The following PARD3 variants were observed in gnomAD, a reference collection of about 807,000 sequenced individuals.
PARD3 encodes par-3 family cell polarity regulator, also known as partitioning defective 3 homolog.
A neutral mutation model predicts 155.4 loss-of-function variants in PARD3; 75 were observed. The ratio of observed to expected loss-of-function variants is 0.48; its 90% confidence interval spans 0.40 to 0.58. PARD3 has a LOEUF of 0.58. PARD3 is among the 20% of genes least tolerant of loss of function. PARD3 has a pLI of 0.00. For synonymous variants in PARD3, 576 were observed against 610.5 expected (o/e 0.94, Z 0.83); for missense variants, 1,642 against 1,721.7 (o/e 0.95, Z 0.82).
chr10:34,615,067 G>A (rs2091162818), intron 2 of PARD3, among the ~76,000 whole-genome samples: 2 of 151,884 alleles, frequency 1.3e-5, no homozygotes, highest in African/African-American at 4.8e-5. Flanking sequence ...TGTAGTCCCA[G>A]CTACTTGGGA....
chr10:34,226,363 A>G (rs1952600572), intron 22 of PARD3, among the ~76,000 whole-genome samples: 1 of 152,198 alleles, frequency 6.6e-6, no homozygotes, highest in Non-Finnish European at 1.5e-5. Context: ...CAGCCTGACC[A>G]ACATGGTGAA....
intron 22 of PARD3, among the ~76,000 whole-genome samples, chr10:34,168,501 G>A (rs1401996484): frequency 2.0e-5 from 3 of 152,134 alleles, no homozygotes; most frequent in African/African-American, 7.2e-5. Context: ...GCCACACATT[G>A]CTATGTGGTT....
intron 2 of PARD3, among the ~76,000 whole-genome samples, chr10:34,548,902 G>C (rs1230062046): frequency 1.3e-5 from 2 of 152,164 alleles, no homozygotes; most frequent in Admixed American, 1.3e-4. Context: ...CAACTACTTG[G>C]ACAGGAATAA....
chr10:34,270,833 C>T (rs1390733836), intron 21 of PARD3, among the ~76,000 whole-genome samples: 7 of 152,130 alleles, frequency 4.6e-5, no homozygotes, highest in Non-Finnish European at 8.8e-5. Flanking sequence ...AACTTGCCTA[C>T]ATTACAACTA....
chr10:34,801,074 G>A (rs769429448), intron 1 of PARD3, among the ~76,000 whole-genome samples: 1 of 152,178 alleles, frequency 6.6e-6, no homozygotes, highest in Non-Finnish European at 1.5e-5. Flanking sequence ...TGAGTATTCT[G>A]GAAAGTTTTT....
At chr10:34,218,569 G>T (rs544159792) in intron 22 of PARD3, among the ~76,000 whole-genome samples, 1 of 152,186 alleles carries the variant, frequency 6.6e-6, no homozygotes, top group Admixed American at 6.5e-5. Flanking sequence ...AAACTGGGAA[G>T]GGCGGGAAAT....
At chr10:34,793,044 G>A (rs1841855091) in intron 1 of PARD3, among the ~76,000 whole-genome samples, 1 of 152,220 alleles carries the variant, frequency 6.6e-6, no homozygotes, top group African/African-American at 2.4e-5. Flanking sequence ...GCTGCAGCAG[G>A]GACTGCAGGT....
At chr10:34,233,017 ATT>A (rs3039283) in intron 22 of PARD3, among the ~76,000 whole-genome samples, 3,069 of 95,960 alleles carry the variant, frequency 0.032, 63 homozygotes, top group African/African-American at 0.12. Flanking sequence ...TCAAATGTTA[ATT>A]TTTTTTTTTT....
chr10:34,555,798 T>G (rs2084934600), intron 2 of PARD3, among the ~76,000 whole-genome samples: 1 of 152,108 alleles, frequency 6.6e-6, no homozygotes, highest in African/African-American at 2.4e-5. Context: ...GAGTGAGCCC[T>G]GGGGAGGCAG....
At chr10:34,723,285 C>T (rs1280361777) in intron 1 of PARD3, among the ~76,000 whole-genome samples, 1 of 152,158 alleles carries the variant, frequency 6.6e-6, no homozygotes, top group African/African-American at 2.4e-5. Flanking sequence ...CAGAGCGAGG[C>T]TCTGTCTGGG....
At chr10:34,594,112 C>T (rs1046756997) in intron 2 of PARD3, among the ~76,000 whole-genome samples, 3 of 152,128 alleles carry the variant, frequency 2.0e-5, no homozygotes, top group African/African-American at 4.8e-5. Context: ...TCTTTTTGCA[C>T]CTCAGAGAAA....
At chr10:34,504,894 T>G (rs1224888596) in intron 3 of PARD3, among the ~76,000 whole-genome samples, 1 of 152,212 alleles carries the variant, frequency 6.6e-6, no homozygotes, top group East Asian at 1.9e-4. Flanking sequence ...GAGAGATCTA[T>G]ATCAAGTGCA....
rs545803801 is a variant in PARD3, at chr10:34,702,694, A to C, written c.121-6275T>G. Among the ~76,000 whole-genome samples the C allele has an allele frequency of 4.6e-5, 7 of 152,322 alleles. No individual in the cohort carries two copies. In the South Asian group the frequency reaches 1.2e-3, roughly 27 times the overall value. ...TATCCCCCCAAGGCTAGAGGTGGGA[A>C]GATCTTTCCCTGGGCCTCTATCCAT... On this transcript the variant is annotated intron_variant, in intron 1 of 24. Coordinates refer to ENST00000374788, the MANE Select transcript of PARD3 (RefSeq NM_001184785.2).
chr10:34,541,406 A>G (rs1429446885), intron 2 of PARD3, among the ~76,000 whole-genome samples: 4 of 152,248 alleles, frequency 2.6e-5, no homozygotes, highest in Admixed American at 6.5e-5. Context: ...GATACAATCT[A>G]TATTCCTGAA....
chr10:34,682,205 T>C (rs981440030), intron 2 of PARD3, among the ~76,000 whole-genome samples: 1 of 152,006 alleles, frequency 6.6e-6, no homozygotes, highest in African/African-American at 2.4e-5. Context: ...GAAGTATCTC[T>C]TGACAATCTT....
intron 4 of PARD3, among the ~76,000 whole-genome samples, chr10:34,451,773 G>T (rs2077071055): frequency 7.1e-6 from 1 of 141,318 alleles, no homozygotes; most frequent in East Asian, 2.1e-4. Flanking sequence ...TTAGCAGCAA[G>T]TTTTTTTTTT....
At chr10:34,240,960 C>T (rs959475193) in intron 22 of PARD3, among the ~76,000 whole-genome samples, 2 of 152,182 alleles carry the variant, frequency 1.3e-5, no homozygotes, top group Non-Finnish European at 2.9e-5. Context: ...ACTGAGCAGC[C>T]ACCGTCTGCC....
At chr10:34,157,343 G>T (rs1949057581) in intron 22 of PARD3, among the ~76,000 whole-genome samples, 1 of 152,156 alleles carries the variant, frequency 6.6e-6, no homozygotes, top group Admixed American at 6.6e-5. Context: ...CCTCTCTCCG[G>T]AATTAAGAAG....
chr10:34,569,043 T>C (rs934813636), intron 2 of PARD3, among the ~76,000 whole-genome samples: 1 of 152,228 alleles, frequency 6.6e-6, no homozygotes. Flanking sequence ...TTAAAAAATA[T>C]TTAATGCCAG....
Sources: allele counts gnomAD v4.1 joint callset (sites outside exome capture counted in the v4.1 genomes callset), GRCh38; gene constraint gnomAD v4.1.1; transcripts MANE v1.5; gene names NCBI Gene and HGNC (gene_info 2026-07-23, HGNC 2026-07-21).